TNNI3K: variants seen among roughly 807,000 people sequenced by gnomAD.
The protein encoded by TNNI3K is serine/threonine-protein kinase TNNI3K.
A neutral mutation model predicts 114.5 loss-of-function variants in TNNI3K; 140 were observed. The observed-to-expected ratio is 1.22, with a 90% CI of 1.07 to 1.41. The LOEUF (loss-of-function observed/expected upper bound fraction) is 1.41. Among genes scored for constraint, TNNI3K ranks in the 40% most tolerant of loss-of-function variants. TNNI3K has a pLI of 0.00. For synonymous variants in TNNI3K, 347 were observed against 347.5 expected, an observed-to-expected ratio of 1.00 and a Z score of 0.02; for missense variants, 1,125 against 1,007.6, an observed-to-expected ratio of 1.12 and a Z score of -1.58.
chr1:74,392,276 C>G (rs1180025127), intron 17 of TNNI3K, among the ~76,000 whole-genome samples: 1 of 152,082 alleles, frequency 6.6e-6, no homozygotes, highest in Non-Finnish European at 1.5e-5. Flanking sequence ...TAATCTGGTA[C>G]AGAGGAAAAG....
chr1:74,526,469 C>T (rs1306603909), intron 23 of TNNI3K, among the ~76,000 whole-genome samples: 1 of 152,062 alleles, frequency 6.6e-6, no homozygotes, highest in East Asian at 1.9e-4. Flanking sequence ...TTCTACGGTT[C>T]TTATAACCTG....
At chr1:74,471,970 T>C (rs1275831350) in intron 21 of TNNI3K, 1 of 621,518 alleles carries the variant, frequency 1.6e-6, no homozygotes, top group East Asian at 2.8e-5. Context: ...AGGATCATCA[T>C]ATTTTGATCT....
intron 17 of TNNI3K, chr1:74,371,381 A>G (rs1431331595): frequency 6.6e-6 from 1 of 151,836 alleles, no homozygotes; most frequent in Non-Finnish European, 1.5e-5. Flanking sequence ...GGAGAAAAAT[A>G]TTTACCTAAA....
At chr1:74,362,516 A>C (rs1662022435) in intron 11 of TNNI3K, among the ~76,000 whole-genome samples, 1 of 152,162 alleles carries the variant, frequency 6.6e-6, no homozygotes, top group Non-Finnish European at 1.5e-5. Flanking sequence ...TCAGAGCAAG[A>C]GATTAGAATC....
chr1:74,322,568 C>T (rs1210304989), intron 5 of TNNI3K, among the ~76,000 whole-genome samples: 1 of 150,572 alleles, frequency 6.6e-6, no homozygotes, highest in African/African-American at 2.4e-5. Context: ...TCAAGCAATT[C>T]TTCTGCTTCA....
intron 23 of TNNI3K, among the ~76,000 whole-genome samples, chr1:74,536,048 A>C (rs1646657631): frequency 1.3e-5 from 2 of 152,150 alleles, no homozygotes; most frequent in South Asian, 4.1e-4. Context: ...GAGTGCAGAA[A>C]ACTTCTGTTT....
At chr1:74,424,651 G>A (rs1034585850) in intron 17 of TNNI3K, among the ~76,000 whole-genome samples, 9 of 150,354 alleles carry the variant, frequency 6.0e-5, no homozygotes, top group South Asian at 2.1e-4. Context: ...CCCAGGAGGC[G>A]GAGGCTGCAA....
At chr1:74,492,748 A>G (rs1285119925) in intron 23 of TNNI3K, among the ~76,000 whole-genome samples, 1 of 152,228 alleles carries the variant, frequency 6.6e-6, no homozygotes, top group Non-Finnish European at 1.5e-5. Flanking sequence ...TATAATAACC[A>G]AAAGGTGGAA....
intron 20 of TNNI3K, among the ~76,000 whole-genome samples, chr1:74,445,726 T>G (rs1229730773): frequency 6.7e-6 from 1 of 149,694 alleles, no homozygotes; most frequent in Non-Finnish European, 1.5e-5. Flanking sequence ...TTCTCCTGCC[T>G]CAGCCTCCCA....
At chr1:74,306,708 A>G (rs1009711588) in intron 5 of TNNI3K, among the ~76,000 whole-genome samples, 3 of 152,116 alleles carry the variant, frequency 2.0e-5, no homozygotes, top group Non-Finnish European at 2.9e-5. Context: ...TGCTTTGCCT[A>G]CTTTTTAATG....
chr1:74,350,513 T>C (rs1661280449), intron 9 of TNNI3K, among the ~76,000 whole-genome samples: 1 of 152,182 alleles, frequency 6.6e-6, no homozygotes, highest in Admixed American at 6.5e-5. Flanking sequence ...GTTCAATTCC[T>C]GGATATCCTT....
At chr1:74,332,971 A>AT (rs1389008819) in intron 6 of TNNI3K, among the ~76,000 whole-genome samples, 1 of 58,384 alleles carries the variant, frequency 1.7e-5, no homozygotes, top group Non-Finnish European at 3.9e-5. Context: ...AAAAAAAAAA[A>AT]AAAAAAGAGA....
chr1:74,293,982 C>A (rs1657832355), intron 5 of TNNI3K, among the ~76,000 whole-genome samples: 1 of 151,642 alleles, frequency 6.6e-6, no homozygotes, highest in Non-Finnish European at 1.5e-5. Flanking sequence ...CATTAATATG[C>A]TAATTTACAT....
chr1:74,322,398 C>G (rs1415958494), intron 5 of TNNI3K, among the ~76,000 whole-genome samples: 1 of 151,866 alleles, frequency 6.6e-6, no homozygotes, highest in East Asian at 1.9e-4. Flanking sequence ...CATTTGTTGA[C>G]CATTTCTTCT....
At chr1:74,539,718 T>G (rs1384981214) in intron 23 of TNNI3K, among the ~76,000 whole-genome samples, 1 of 152,080 alleles carries the variant, frequency 6.6e-6, no homozygotes, top group Admixed American at 6.6e-5. Context: ...TCAGTTTTGT[T>G]ATCTATAAAA....
intron 23 of TNNI3K, among the ~76,000 whole-genome samples, chr1:74,498,948 T>C (rs1669472552): frequency 6.6e-6 from 1 of 152,208 alleles, no homozygotes; most frequent in African/African-American, 2.4e-5. Flanking sequence ...ACGCTTATTT[T>C]AGCATGAAAT....
At chr1:74,532,489 T>A (rs1326779692) in intron 23 of TNNI3K, among the ~76,000 whole-genome samples, 1 of 152,094 alleles carries the variant, frequency 6.6e-6, no homozygotes, top group Non-Finnish European at 1.5e-5. Flanking sequence ...TTTATTATTA[T>A]TATACTTTAA....
chr1:74,260,620 T>G (rs1306185266), intron 4 of TNNI3K, among the ~76,000 whole-genome samples: 1 of 152,142 alleles, frequency 6.6e-6, no homozygotes, highest in Non-Finnish European at 1.5e-5. Flanking sequence ...TAATAAAAAT[T>G]AACCATTATT....
At chr1:74,437,725 CCAGA>C (rs931167811) in intron 19 of TNNI3K, among the ~76,000 whole-genome samples, 4 of 151,810 alleles carry the variant, frequency 2.6e-5, no homozygotes, top group African/African-American at 7.3e-5. Context: ...AAAGCTCATC[CCAGA>C]CATGGGACAT....
Sources: gnomAD v4.1 joint callset for allele counts (sites outside exome capture counted in the v4.1 genomes callset) on GRCh38, gnomAD v4.1.1 for gene constraint, MANE v1.5 for transcripts, NCBI Gene and HGNC (gene_info 2026-07-23, HGNC 2026-07-21) for gene names.